Variants in SLC2A13 observed in about 807,000 individuals in gnomAD.
SLC2A13 encodes the protein solute carrier family 2 member 13, also known as proton myo-inositol cotransporter.
A neutral mutation model predicts 64.4 loss-of-function variants in SLC2A13; 32 were observed. The observed-to-expected ratio is 0.50, with a 90% CI of 0.37 to 0.67. The LOEUF (loss-of-function observed/expected upper bound fraction) is 0.67, where lower values mean the gene tolerates loss of function less well. SLC2A13 is among the 30% of genes least tolerant of loss of function. The probability of loss-of-function intolerance (pLI) is 0.00; values close to 1 mark genes in which losing one functional copy is unlikely to be tolerated. For missense variants in SLC2A13, 743 were observed against 829.2 expected (o/e 0.90, Z 1.28); for synonymous variants, 338 against 327.1 (o/e 1.03, Z -0.36).
At position 40,105,544 on chromosome 12, in the gene SLC2A13, C is replaced by A; in HGVS notation, c.265G>T (p.Ala89Ser). 6.3e-7 allele frequency: 1 copy of A among 1,579,282 alleles called. No homozygotes were observed. The highest frequency in any genetic ancestry group is 8.6e-7 in the Non-Finnish European group (1 of 1,165,822). The stretch of plus-strand genomic sequence containing the variant: ...TAGCCAAACAGGAAGCCGCCCAGCG[C>A]GGAGAAGACGGCCACCACGTACACG... ...AFVYVVAVFS[A>S]LGGFLFGYDT... The change falls in exon 1 of 10, where the codon GCG (alanine) becomes TCG (serine). Residue 89 changes from alanine (A) to serine (S), a missense_variant. Physicochemically the swap from Ala to Ser is moderately conservative, Grantham distance 99. Coordinates refer to ENST00000280871, the MANE Select transcript of SLC2A13 (RefSeq NM_052885.4). The surrounding 1 kb of genome is among the most constrained non-coding windows in gnomAD (Gnocchi z 4.2).
chr12:39,923,928 TAAAAC>T (rs1196230620), intron 4 of SLC2A13, among the ~76,000 whole-genome samples: 1 of 152,030 alleles, frequency 6.6e-6, no homozygotes, highest in African/African-American at 2.4e-5. Context: ...AAAAAAGAAT[TAAAAC>T]AAACATGCTA....
At chr12:39,836,178 C>G (rs1289316123) in intron 6 of SLC2A13, among the ~76,000 whole-genome samples, 1 of 152,034 alleles carries the variant, frequency 6.6e-6, no homozygotes, top group East Asian at 1.9e-4. Context: ...GCCTGGAATT[C>G]AGACTATTTT....
intron 1 of SLC2A13, among the ~76,000 whole-genome samples, chr12:40,098,027 G>A (rs2708445): frequency 0.89 from 133,433 of 150,624 alleles, 59,026 homozygotes; most frequent in South Asian, 0.93. Flanking sequence ...ATGTGTATAT[G>A]TATGTATATA....
intron 6 of SLC2A13, among the ~76,000 whole-genome samples, chr12:39,831,355 A>G (rs377048475): frequency 6.6e-6 from 1 of 152,146 alleles, no homozygotes; most frequent in Non-Finnish European, 1.5e-5. Flanking sequence ...AGAACTGCTT[A>G]TGTTGTCATT....
intron 1 of SLC2A13, among the ~76,000 whole-genome samples, chr12:40,067,945 C>T (rs1007085063): frequency 2.0e-5 from 3 of 152,078 alleles, no homozygotes; most frequent in Non-Finnish European, 2.9e-5. Flanking sequence ...ACTCTGTCAC[C>T]GAGGCTGGTG....
In SLC2A13 at chr12:39,830,525, T is replaced by C. The variant is rs76401312; in HGVS notation, c.1320-297A>G. The C allele has an allele frequency of 6.9e-4, 745 of 1,075,930 alleles. 2 individuals are homozygous for C. The African/African-American group carries it at 0.011, about 16-fold the overall frequency. The allele number at this position is 1,075,930 out of a possible 1,614,324, so 66.6% of individuals were successfully genotyped here. On this transcript the variant is annotated intron_variant, in intron 6 of 9. Transcript: ENST00000280871. ...CATCAATCTGGAGCAAATAAACTTT[T>C]GCTTTCCTAAACCACTGAGATTTGT...
At chr12:40,063,155 CT>C (rs1948452053) in intron 1 of SLC2A13, among the ~76,000 whole-genome samples, 1 of 152,060 alleles carries the variant, frequency 6.6e-6, no homozygotes, top group Admixed American at 6.6e-5. Flanking sequence ...CTCCAATCAA[CT>C]TTTTGTTTTA....
chr12:39,805,902 T>C (rs1387949596), intron 7 of SLC2A13, among the ~76,000 whole-genome samples: 2 of 152,190 alleles, frequency 1.3e-5, no homozygotes, highest in African/African-American at 4.8e-5. Context: ...GGGCAGGATT[T>C]GCTTAGTTTC....
rs374198588 is a variant in SLC2A13, at chr12:39,854,778, C to T, written c.1319+9984G>A. ...CTGCATCATCCTGTGCCTGGTGGCCCTTTCTCCAGCAGTATCAAGCTTTAT... is the reference window on the plus strand; with the variant it reads ...CTGCATCATCCTGTGCCTGGTGGCCTTTTCTCCAGCAGTATCAAGCTTTAT... On this transcript the variant is annotated intron_variant, in intron 6 of 9. Transcript: ENST00000280871. Among the ~76,000 whole-genome samples the T allele has an allele frequency of 8.5e-5, 13 of 152,224 alleles. No individual in the cohort carries two copies. In the East Asian group the frequency reaches 1.7e-3, roughly 20 times the overall value.
chr12:40,059,389 T>G (rs1359858569), intron 1 of SLC2A13, among the ~76,000 whole-genome samples: 1 of 152,182 alleles, frequency 6.6e-6, no homozygotes, highest in Non-Finnish European at 1.5e-5. Flanking sequence ...ACATTGAGTA[T>G]GGAAAACCTT....
intron 4 of SLC2A13, among the ~76,000 whole-genome samples, chr12:39,932,446 C>CA (rs1945842170): frequency 6.6e-6 from 1 of 152,022 alleles, no homozygotes; most frequent in Admixed American, 6.6e-5. Context: ...CATCTGGTTA[C>CA]AAAAAAGGGA....
At chr12:39,902,013 G>T (rs7953063) in intron 4 of SLC2A13, among the ~76,000 whole-genome samples, 76,801 of 151,586 alleles carry the variant, frequency 0.51, 19,666 homozygotes, top group East Asian at 0.78. Context: ...TATGCAGCCA[G>T]AAAAAAGGAT....
At chr12:39,987,305 G>A (rs181045265) in intron 3 of SLC2A13, among the ~76,000 whole-genome samples, 1 of 152,318 alleles carries the variant, frequency 6.6e-6, no homozygotes, top group African/African-American at 2.4e-5. Flanking sequence ...ACTGACACAT[G>A]TATAAAAATC....
chr12:39,864,990 T>G, intron 5 of SLC2A13, 108 bp from the exon 6 acceptor site: 1 of 1,045,874 alleles, frequency 9.6e-7, no homozygotes. Flanking sequence ...CAAAAACTCC[T>G]GAAAAAAAAA....
At chr12:39,924,839 C>T (rs921951449) in intron 4 of SLC2A13, among the ~76,000 whole-genome samples, 1 of 151,902 alleles carries the variant, frequency 6.6e-6, no homozygotes, top group Non-Finnish European at 1.5e-5. Flanking sequence ...AAAGACCCCC[C>T]ACCCCGCCAA....
intron 1 of SLC2A13, among the ~76,000 whole-genome samples, chr12:40,099,255 T>C (rs1309216465): frequency 1.3e-5 from 2 of 152,150 alleles, no homozygotes; most frequent in African/African-American, 4.8e-5. Context: ...CTATTAGAAA[T>C]AGGTGCTATA....
At chr12:39,909,664 C>A (rs947645718) in intron 4 of SLC2A13, among the ~76,000 whole-genome samples, 2 of 152,076 alleles carry the variant, frequency 1.3e-5, no homozygotes, top group African/African-American at 4.8e-5. Flanking sequence ...TCATGGTAGT[C>A]AAGGGGATCT....
chr12:39,783,610 T>C (rs929231160), intron 7 of SLC2A13, among the ~76,000 whole-genome samples: 1 of 152,230 alleles, frequency 6.6e-6, no homozygotes, highest in African/African-American at 2.4e-5. Flanking sequence ...TTTGCATTTC[T>C]CTCATGGCCA....
chr12:40,060,032 G>T (rs1263934648), intron 1 of SLC2A13, among the ~76,000 whole-genome samples: 1 of 152,132 alleles, frequency 6.6e-6, no homozygotes, highest in Non-Finnish European at 1.5e-5. Context: ...AAAGGTCTAT[G>T]GGAGTTGTAA....
Sources: gnomAD v4.1 joint callset for allele counts (sites outside exome capture counted in the v4.1 genomes callset) on GRCh38, gnomAD v4.1.1 for gene constraint, Gnocchi (gnomAD v3.1) non-coding constraint, MANE v1.5 for transcripts, NCBI Gene and HGNC (gene_info 2026-07-23, HGNC 2026-07-21) for gene names.